The following UBE2L5 variants were observed in gnomAD, a reference collection of about 807,000 sequenced individuals.
UBE2L5 encodes ubiquitin conjugating enzyme E2 L5.
In UBE2L5, 3 loss-of-function variants were observed where a neutral mutation model predicts 10.0. The ratio of observed to expected loss-of-function variants is 0.30; its 90% confidence interval spans 0.14 to 0.78. The LOEUF (loss-of-function observed/expected upper bound fraction) is 0.78. Among genes scored for constraint, UBE2L5 ranks in the 30% least tolerant of loss-of-function variants. The pLI is 0.65. For missense variants in UBE2L5, 131 were observed against 193.3 expected (o/e 0.68, Z 1.91); for synonymous variants, 60 against 71.9 (o/e 0.83, Z 0.83).
chr13:30,426,103 G>A lies in UBE2L5; in HGVS notation c.-684-622G>A, dbSNP rs969648570. Among the ~76,000 whole-genome samples the A allele has an allele frequency of 2.0e-5, 3 of 152,070 alleles. No homozygotes were observed. The South Asian group carries it at 6.2e-4, about 32-fold the overall frequency. On this transcript the variant is annotated intron_variant, in intron 2 of 3. Transcript: ENST00000635918. ...AGGCAGGTGGATCAACTGAGGTCAGGAGTTTGAGACCAGCCTGGCCAACAC... is the reference window on the plus strand; with the variant it reads ...AGGCAGGTGGATCAACTGAGGTCAGAAGTTTGAGACCAGCCTGGCCAACAC...
At position 30,428,659 on chromosome 13, in the gene UBE2L5, T is replaced by TAAAA; in HGVS notation, c.*214_*217dup. ...AAGGATTAAAAATTTAAGATGTTCT[T>TAAAA]AAAAAAAAAAAAAGTGGCCATTAAT... is the stretch of plus-strand genomic sequence containing the variant. On this transcript the variant is annotated 3_prime_UTR_variant, in exon 4 of 4. Transcript: ENST00000635918. The TAAAA allele has an allele frequency of 4.5e-6, 2 of 440,782 alleles. No individual in the cohort carries two copies. Among genetic ancestry groups the TAAAA allele is most frequent in the South Asian group, 3.9e-5 (1 of 25,696 alleles). 27.3% of individuals were successfully genotyped at this position (440,782 alleles called of 1,614,324 possible).
rs371203422 is a variant in UBE2L5, at chr13:30,428,659, T to TAA, written c.*216_*217dup. 2.8e-3 allele frequency: 1,210 copies of TAA among 435,054 alleles called. No individual in the cohort carries two copies. The highest frequency in any genetic ancestry group is 5.2e-3 in the South Asian group (130 of 25,196). The allele number at this position is 435,054 out of a possible 1,614,324, so 26.9% of individuals were successfully genotyped here. A position where few individuals can be genotyped will look rare whatever the true frequency, so the allele number is the denominator to read the frequency against. On this transcript the variant is annotated 3_prime_UTR_variant, in exon 4 of 4. Transcript: ENST00000635918. The stretch of plus-strand genomic sequence containing the variant: ...AAGGATTAAAAATTTAAGATGTTCT[T>TAA]AAAAAAAAAAAAAGTGGCCATTAAT...
Position 30,429,415 on chromosome 13 carries a change from C to T in UBE2L5, c.*960C>T, listed in dbSNP as rs578145763. 6.6e-5 allele frequency among the ~76,000 whole-genome samples: 10 copies of T among 152,180 alleles called. No individual in the cohort carries two copies. Among genetic ancestry groups the T allele is most frequent in the East Asian group, 3.9e-4 (2 of 5,182 alleles). On this transcript the variant is annotated 3_prime_UTR_variant, in exon 4 of 4. Coordinates refer to ENST00000635918, the MANE Select transcript of UBE2L5 (RefSeq NM_001355247.2). ...GGTGGCATTGGTAAAGGAAATGAAA[C>T]GCATGCAAATTTCACAGACAAAAGA...
At position 30,428,080 on chromosome 13, in the gene UBE2L5, T is replaced by A; in HGVS notation, c.90T>A (p.Ala30=). ...ENFRNIQVDE[A]NLLTWQGLIV... is the part of the protein sequence containing the mutation. Reference sequence around the variant, plus strand: ...TCCGTAACATCCAGGTTGATGAAGCTAATTTATTGACTTGGCAAGGGCTTA... The same window carrying A: ...TCCGTAACATCCAGGTTGATGAAGCAAATTTATTGACTTGGCAAGGGCTTA... Residue 30 remains alanine (A), a synonymous_variant, in exon 4 of 4, where the codon GCT becomes GCA. Coordinates refer to ENST00000635918, the MANE Select transcript of UBE2L5 (RefSeq NM_001355247.2). 1.2e-6 allele frequency: 2 copies of A among 1,611,048 alleles called. No homozygotes were observed. The highest frequency in any genetic ancestry group is 1.7e-6 in the Non-Finnish European group (2 of 1,177,198).
intron 3 of UBE2L5, chr13:30,427,085 GT>G (rs1885548247): frequency 6.6e-6 from 1 of 152,142 alleles, no homozygotes; most frequent in South Asian, 2.1e-4. Context: ...GGGTATACTT[GT>G]TCTACAGAAA....
chr13:30,427,863 C>A lies in UBE2L5; in HGVS notation c.-128C>A. ...ATGATCACTCTAACCAACCAGTGGG[C>A]AAGTTGCTTTGCTCAGCGTAAGTTC... On this transcript the variant is annotated 5_prime_UTR_variant, in exon 4 of 4. Transcript: ENST00000635918. 1.4e-6 allele frequency: 1 copy of A among 722,184 alleles called. No homozygotes were observed. The highest frequency in any genetic ancestry group is 2.5e-6 in the Non-Finnish European group (1 of 397,578). The allele number at this position is 722,184 out of a possible 1,614,324, so 44.7% of individuals were successfully genotyped here.
intron 1 of UBE2L5, among the ~76,000 whole-genome samples, 188 bp downstream of exon 1, chr13:30,422,865 G>T (rs1332771047): frequency 6.6e-6 from 1 of 152,140 alleles, no homozygotes; most frequent in Non-Finnish European, 1.5e-5. Context: ...AGAGGGAGAG[G>T]CACCTTTTTA....
chr13:30,428,402 A>G lies in UBE2L5; in HGVS notation c.412A>G (p.Lys138Glu). 6 of 1,610,842 alleles carry G rather than the reference A, an allele frequency of 3.7e-6. No individual in the cohort carries two copies. Among genetic ancestry groups the G allele is most frequent in the Non-Finnish European group, 5.1e-6 (6 of 1,179,564 alleles). The change falls in exon 4 of 4, where the codon AAG (lysine) becomes GAG (glutamate). Residue 138 changes from lysine (K) to glutamate (E), a missense_variant. Lys to Glu is a moderately conservative substitution (Grantham distance 56, BLOSUM62 1). Transcript: ENST00000635918. ...CTCTAACGACCGTAAAAAATTCTGT[A>G]AGAATGCTGAAGAGTTTACAAAGAA... ...EYSNDRKKFCKNAEEFTKKYG... is the reference protein window; with the variant it reads ...EYSNDRKKFCENAEEFTKKYG...
Position 30,428,330 on chromosome 13 carries a change from G to A in UBE2L5, c.340G>A (p.Asp114Asn). 1 of 1,609,790 alleles carries A rather than the reference G, an allele frequency of 6.2e-7. No individual in the cohort carries two copies. Among genetic ancestry groups the A allele is most frequent in the Non-Finnish European group, 8.5e-7 (1 of 1,178,066 alleles). The stretch of plus-strand genomic sequence containing the variant: ...CCAGTCCCTCATAGCACTGGTGAAT[G>A]ACCCGCAGCCCGAGCACCCGCTTCG... ...VIQSLIALVN[D>N]PQPEHPLRAD... The change falls in exon 4 of 4, where the codon GAC (aspartate) becomes AAC (asparagine). Residue 114 changes from aspartate to asparagine, a missense_variant. Coordinates refer to ENST00000635918, the MANE Select transcript of UBE2L5 (RefSeq NM_001355247.2).
At chr13:30,425,134 A>G (rs886176618) in intron 2 of UBE2L5, among the ~76,000 whole-genome samples, 1 of 152,182 alleles carries the variant, frequency 6.6e-6, no homozygotes, top group African/African-American at 2.4e-5. Flanking sequence ...ATGGGGCCTG[A>G]GGGTTAACAT....
chr13:30,428,848 G>GA lies in UBE2L5; in HGVS notation c.*393_*394insA, dbSNP rs1885579763. Among the ~76,000 whole-genome samples, 1 of 74,914 alleles carries GA rather than the reference G, an allele frequency of 1.3e-5. No homozygotes were observed. Among genetic ancestry groups the GA allele is most frequent in the African/African-American group, 3.3e-5 (1 of 29,854 alleles). 49.1% of individuals were successfully genotyped at this position (74,914 alleles called of 152,430 possible). ...AAAGAGATTGTATGCTATATTCCTTGCTTTTTTTTTTTTTTTTTTGGTGGA... is the reference window on the plus strand; with the variant it reads ...AAAGAGATTGTATGCTATATTCCTTGACTTTTTTTTTTTTTTTTTTGGTGGA... On this transcript the variant is annotated 3_prime_UTR_variant, in exon 4 of 4. Coordinates refer to ENST00000635918, the MANE Select transcript of UBE2L5 (RefSeq NM_001355247.2).
rs1013954370 is a variant in UBE2L5, at chr13:30,428,913, G to T, written c.*458G>T. Reference sequence around the variant, plus strand: ...GGGATGAGAGTGGCCACAGGAATTCGATGAGTCGTAGGAAATCCATTTTTG... The same window carrying T: ...GGGATGAGAGTGGCCACAGGAATTCTATGAGTCGTAGGAAATCCATTTTTG... On this transcript the variant is annotated 3_prime_UTR_variant, in exon 4 of 4. Coordinates refer to ENST00000635918, the MANE Select transcript of UBE2L5 (RefSeq NM_001355247.2). Among the ~76,000 whole-genome samples the T allele has an allele frequency of 1.4e-5, 2 of 139,998 alleles. No homozygotes were observed. The highest frequency in any genetic ancestry group is 3.0e-5 in the Non-Finnish European group (2 of 66,206). The allele number at this position is 139,998 out of a possible 152,430, so 91.8% of individuals were successfully genotyped here.
chr13:30,427,800 G>A lies in UBE2L5; in HGVS notation c.-191G>A, dbSNP rs1885559706. The A allele has an allele frequency of 1.7e-6, 1 of 577,046 alleles. No individual in the cohort carries two copies. Among genetic ancestry groups the A allele is most frequent in the Non-Finnish European group, 3.1e-6 (1 of 325,930 alleles). 35.7% of individuals were successfully genotyped at this position (577,046 alleles called of 1,614,324 possible). A position where few individuals can be genotyped will look rare whatever the true frequency, so the allele number is the denominator to read the frequency against. The stretch of plus-strand genomic sequence containing the variant: ...GCCTGGGCAACAGAGAGAGACTCTG[G>A]CTAAAAAAAAAAAAAATTATAATGT... On this transcript the variant is annotated 5_prime_UTR_variant, in exon 4 of 4. An upstream open reading frame in the 5' UTR gains an earlier in-frame stop. Transcript: ENST00000635918.
rs1270003767 is a variant in UBE2L5, at chr13:30,429,495, A to G, written c.*1040A>G. On this transcript the variant is annotated 3_prime_UTR_variant, in exon 4 of 4. Transcript: ENST00000635918. ...GCTGCTCTGAGGTGCTGCATCTTTTATAGTGTCTAGGCTCTCATCCTTAAT... is the reference window on the plus strand; with the variant it reads ...GCTGCTCTGAGGTGCTGCATCTTTTGTAGTGTCTAGGCTCTCATCCTTAAT... Among the ~76,000 whole-genome samples the G allele has an allele frequency of 6.6e-6, 1 of 152,120 alleles. No homozygotes were observed. The highest frequency in any genetic ancestry group is 2.4e-5 in the African/African-American group (1 of 41,420).
rs56343313 is a variant in UBE2L5, at chr13:30,428,849, C to CTTT, written c.*410_*412dup. On this transcript the variant is annotated 3_prime_UTR_variant, in exon 4 of 4. Transcript: ENST00000635918. The stretch of plus-strand genomic sequence containing the variant: ...AAGAGATTGTATGCTATATTCCTTG[C>CTTT]TTTTTTTTTTTTTTTTTTGGTGGAT... Among the ~76,000 whole-genome samples the CTTT allele has an allele frequency of 5.6e-3, 691 of 123,188 alleles. 14 individuals carry two copies. Among genetic ancestry groups the CTTT allele is most frequent in the South Asian group, 0.029 (110 of 3,756 alleles). The allele number at this position is 123,188 out of a possible 152,430, so 80.8% of individuals were successfully genotyped here. A position where few individuals can be genotyped will look rare whatever the true frequency, so the allele number is the denominator to read the frequency against.
Position 30,427,530 on chromosome 13 carries a change from T to C in UBE2L5, c.-461T>C, listed in dbSNP as rs1333217075. The C allele has an allele frequency of 6.2e-6, 1 of 161,616 alleles. No individual in the cohort carries two copies. The highest frequency in any genetic ancestry group is 1.8e-4 in the East Asian group (1 of 5,450). 10.0% of individuals were successfully genotyped at this position (161,616 alleles called of 1,614,324 possible). A position where few individuals can be genotyped will look rare whatever the true frequency, so the allele number is the denominator to read the frequency against. ...TTATAATGTGTAAAGCCGGGTGCAG[T>C]GGCTCACGTCTATAATCTGAGCACT... On this transcript the variant is annotated 5_prime_UTR_variant, in exon 4 of 4. Transcript: ENST00000635918.
chr13:30,423,110 T>C (rs1424993724), intron 1 of UBE2L5, among the ~76,000 whole-genome samples: 2 of 147,222 alleles, frequency 1.4e-5, no homozygotes, highest in Non-Finnish European at 3.0e-5. Flanking sequence ...TCATGTATAG[T>C]AAATCACATA....
At chr13:30,425,459 A>G (rs1167925418) in intron 2 of UBE2L5, among the ~76,000 whole-genome samples, 1 of 152,224 alleles carries the variant, frequency 6.6e-6, no homozygotes. Context: ...TACAAAGCCC[A>G]GGGCCTGGCA....
rs1141362 is a variant in UBE2L5 at position 30,429,481 on chromosome 13, G to A, written c.*1026G>A. 0.46 allele frequency among the ~76,000 whole-genome samples: 69,427 copies of A among 151,902 alleles called. 18,832 individuals are homozygous for A. Among genetic ancestry groups the A allele is most frequent in the Middle Eastern group, 0.72 (211 of 292 alleles). On this transcript the variant is annotated 3_prime_UTR_variant, in exon 4 of 4. Coordinates refer to ENST00000635918, the MANE Select transcript of UBE2L5 (RefSeq NM_001355247.2). ...CTCATTTTGGCTGGGCTGCTCTGAG[G>A]TGCTGCATCTTTTATAGTGTCTAGG...
Sources: gnomAD v4.1 joint callset for allele counts (sites outside exome capture counted in the v4.1 genomes callset) on GRCh38, gnomAD v4.1.1 for gene constraint, MANE v1.5 for transcripts, NCBI Gene and HGNC (gene_info 2026-07-23, HGNC 2026-07-21) for gene names.